SHLD2: variants seen among roughly 807,000 people sequenced by gnomAD.
SHLD2 encodes the protein shieldin complex subunit 2.
SHLD2 carries 30 observed loss-of-function variants against 73.2 expected under a neutral mutation model. That is an observed-to-expected ratio of 0.41 (90% CI 0.31 to 0.56). The LOEUF is 0.56. SHLD2 is among the 20% of genes least tolerant of loss of function. The pLI, the probability that SHLD2 is intolerant of heterozygous loss-of-function variation, is 0.28. For synonymous variants in SHLD2, 285 were observed against 370.1 expected (o/e 0.77, Z 2.64); for missense variants, 745 against 1,055.9 (o/e 0.71, Z 4.08).
chr10:87,098,438 G>C (rs1294368471), intron 2 of SHLD2, among the ~76,000 whole-genome samples: 3 of 151,612 alleles, frequency 2.0e-5, no homozygotes, highest in Middle Eastern at 6.8e-3. Flanking sequence ...GCTTGAACCT[G>C]GGAGGCGGAG....
At chr10:87,096,767 C>G (rs186032488) in intron 1 of SHLD2, among the ~76,000 whole-genome samples, 167 bp from the exon 2 acceptor site, 1 of 152,094 alleles carries the variant, frequency 6.6e-6, no homozygotes, top group Non-Finnish European at 1.5e-5. Flanking sequence ...TCTTAGTTCT[C>G]GAAATATTGT....
At chr10:87,155,168 C>T (rs1488509146) in intron 3 of SHLD2, among the ~76,000 whole-genome samples, 2 of 151,140 alleles carry the variant, frequency 1.3e-5, no homozygotes, top group African/African-American at 4.9e-5. Context: ...ATATCCTCAC[C>T]TCGTGATCCG....
chr10:87,184,541 T>G (rs962675253), intron 8 of SHLD2, among the ~76,000 whole-genome samples: 1 of 151,980 alleles, frequency 6.6e-6, no homozygotes, highest in African/African-American at 2.4e-5. Context: ...TTGGTGGGGC[T>G]CCTCCTGGCC....
chr10:87,126,714 C>T (rs1742983079), intron 2 of SHLD2, among the ~76,000 whole-genome samples: 1 of 152,086 alleles, frequency 6.6e-6, no homozygotes, highest in Non-Finnish European at 1.5e-5. Flanking sequence ...ATGATTGTTA[C>T]ATCCGTGGAA....
At chr10:87,180,054 A>G in intron 7 of SHLD2, 21 bp from the exon 8 acceptor site, 1 of 1,596,718 alleles carries the variant, frequency 6.3e-7, no homozygotes, top group Non-Finnish European at 8.6e-7. Context: ...AATTTATAAT[A>G]TATCTGTTTG....
chr10:87,168,924 TGAAAA>T (rs977936354), intron 4 of SHLD2, among the ~76,000 whole-genome samples: 52 of 151,148 alleles, frequency 3.4e-4, no homozygotes, highest in East Asian at 9.6e-4. Context: ...AAGTAAAAGT[TGAAAA>T]GAAAAGACTT....
chr10:87,184,373 A>G (rs1350370072), intron 8 of SHLD2, among the ~76,000 whole-genome samples: 2 of 151,826 alleles, frequency 1.3e-5, no homozygotes, highest in Non-Finnish European at 2.9e-5. Flanking sequence ...CATATCCCAC[A>G]TGCTGCGGGG....
At chr10:87,100,321 C>G (rs1206399590) in intron 2 of SHLD2, among the ~76,000 whole-genome samples, 4 of 152,138 alleles carry the variant, frequency 2.6e-5, no homozygotes, top group Non-Finnish European at 5.9e-5. Flanking sequence ...CGTGGCTATC[C>G]AGTTCATTTG....
At chr10:87,188,290 G>T (rs1485741982) in intron 9 of SHLD2, among the ~76,000 whole-genome samples, 1 of 152,138 alleles carries the variant, frequency 6.6e-6, no homozygotes, top group Admixed American at 6.5e-5. Flanking sequence ...AGCAGTAGGG[G>T]ACCACTAATG....
Position 87,165,944 on chromosome 10 carries a change from T to C in SHLD2, c.1634-4534T>C, listed in dbSNP as rs180800598. 3.3e-5 allele frequency among the ~76,000 whole-genome samples: 5 copies of C among 152,312 alleles called. No individual in the cohort carries two copies. In the East Asian group the frequency reaches 9.6e-4, roughly 29 times the overall value. On this transcript the variant is annotated intron_variant, in intron 4 of 9. Coordinates refer to ENST00000298786, the MANE Select transcript of SHLD2 (RefSeq NM_001330112.2). ...GAGTTTTTAAAAAAGCTGTATACGATCATCTCAATAGGTACAAAGAAAGCT... is the reference window on the plus strand; with the variant it reads ...GAGTTTTTAAAAAAGCTGTATACGACCATCTCAATAGGTACAAAGAAAGCT...
rs568336279 is a variant in SHLD2 at position 87,115,113 on chromosome 10, C to T, written c.-6+18124C>T. Among the ~76,000 whole-genome samples the T allele has an allele frequency of 2.2e-4, 33 of 152,118 alleles. No homozygotes were observed. The South Asian group carries it at 5.2e-3, about 24-fold the overall frequency. ...TCGCCCAGGCTGGAGTGCAGTGGTG[C>T]GATCTTGGCTCACTGCAACCTCCGC... On this transcript the variant is annotated intron_variant, in intron 2 of 9. Coordinates refer to ENST00000298786, the MANE Select transcript of SHLD2 (RefSeq NM_001330112.2).
intron 3 of SHLD2, among the ~76,000 whole-genome samples, chr10:87,156,915 G>A (rs1161206327): frequency 6.6e-6 from 1 of 152,174 alleles, no homozygotes; most frequent in Non-Finnish European, 1.5e-5. Context: ...TGACTCATTA[G>A]CATTGTAAGA....
intron 4 of SHLD2, among the ~76,000 whole-genome samples, chr10:87,162,787 T>A (rs1846912461): frequency 6.6e-6 from 1 of 152,198 alleles, no homozygotes; most frequent in South Asian, 2.1e-4. Flanking sequence ...GAGATACCAT[T>A]TCTCACCTAT....
upstream of SHLD2, chr10:87,094,805 A>G: frequency 6.7e-7 from 1 of 1,491,806 alleles, no homozygotes; most frequent in Non-Finnish European, 9.1e-7. This position sits in a 1 kb window ranked among gnomAD's most constrained non-coding sequence, Gnocchi z 6.6. Context: ...GATGGTCGCG[A>G]AACAGGCGCG....
chr10:87,103,554 G>A (rs1006143499), intron 2 of SHLD2, among the ~76,000 whole-genome samples: 5 of 152,094 alleles, frequency 3.3e-5, no homozygotes, highest in African/African-American at 1.2e-4. Flanking sequence ...GCAAACTTTT[G>A]TGCCAAAGTT....
intron 2 of SHLD2, among the ~76,000 whole-genome samples, chr10:87,113,294 A>G (rs898220981): frequency 1.3e-5 from 2 of 152,232 alleles, no homozygotes; most frequent in Non-Finnish European, 2.9e-5. Flanking sequence ...ATTGCACTCC[A>G]ACCTGGTCAA....
Position 87,151,990 on chromosome 10 carries a change from A to G in SHLD2, c.636A>G (p.Gly212=). The G allele has an allele frequency of 6.2e-7, 1 of 1,611,936 alleles. No individual in the cohort carries two copies. The highest frequency in any genetic ancestry group is 8.5e-7 in the Non-Finnish European group (1 of 1,179,808). The change falls in exon 3 of 10, where the codon GGA becomes GGG. Residue 212 remains glycine (G), a synonymous_variant. Transcript: ENST00000298786. ...ATGAAATACAAAACCAGTGTTTGGG[A>G]TTATTTTCCTCGAACGCAGTAGATA... ...EYHEIQNQCL[G]LFSSNAVDKS... is the part of the protein sequence containing the mutation.
At chr10:87,160,099 A>G (rs565082003) in intron 4 of SHLD2, among the ~76,000 whole-genome samples, 36 of 152,132 alleles carry the variant, frequency 2.4e-4, no homozygotes, top group Admixed American at 2.0e-3. Context: ...GATATCTTAT[A>G]TAACTTTAGT....
At chr10:87,143,844 T>C (rs1845378402) in intron 2 of SHLD2, among the ~76,000 whole-genome samples, 1 of 147,838 alleles carries the variant, frequency 6.8e-6, no homozygotes, top group South Asian at 2.1e-4. Context: ...CATGTTCACC[T>C]TATTCTTTTT....
Sources: gnomAD v4.1 joint callset for allele counts (sites outside exome capture counted in the v4.1 genomes callset) on GRCh38, gnomAD v4.1.1 for gene constraint, Gnocchi (gnomAD v3.1) non-coding constraint, MANE v1.5 for transcripts, NCBI Gene and HGNC (gene_info 2026-07-23, HGNC 2026-07-21) for gene names.